The following MAPKAPK5 variants were observed in gnomAD, a reference collection of about 807,000 sequenced individuals.
The protein encoded by MAPKAPK5 is MAP kinase-activated protein kinase 5.
A neutral mutation model predicts 65.1 loss-of-function variants in MAPKAPK5; 30 were observed. The observed-to-expected ratio is 0.46, with a 90% CI of 0.34 to 0.63. The LOEUF is 0.63. Ranked by LOEUF, MAPKAPK5 falls within the 20% of genes least tolerant of loss-of-function variation. The pLI is 0.01. For missense variants in MAPKAPK5, 433 were observed against 581.4 expected, an observed-to-expected ratio of 0.74 and a Z score of 2.63; for synonymous variants, 179 against 204.6, an observed-to-expected ratio of 0.87 and a Z score of 1.07.
Position 111,883,237 on chromosome 12 carries a change from G to A in MAPKAPK5, c.661-344G>A, listed in dbSNP as rs2070296689. Among the ~76,000 whole-genome samples the A allele has an allele frequency of 3.3e-5, 5 of 152,052 alleles. No individual in the cohort carries two copies. Among genetic ancestry groups the A allele is most frequent in the South Asian group, 4.1e-4 (2 of 4,820 alleles). On this transcript the variant is annotated intron_variant, in intron 8 of 13. Coordinates refer to ENST00000550735, the MANE Select transcript of MAPKAPK5 (RefSeq NM_003668.4). This position sits in a 1 kb window ranked among gnomAD's most constrained non-coding sequence, Gnocchi z 4.8. Reference sequence around the variant, plus strand: ...AAAAAAATACAAAAATTAGCCAGGCGGCATGGTGGCACATGCCTGTAATCC... The same window carrying A: ...AAAAAAATACAAAAATTAGCCAGGCAGCATGGTGGCACATGCCTGTAATCC...
chr12:111,849,171 C>T (rs946993926), intron 1 of MAPKAPK5, among the ~76,000 whole-genome samples: 1 of 151,390 alleles, frequency 6.6e-6, no homozygotes, highest in Non-Finnish European at 1.5e-5. Context: ...GTCTTGAACT[C>T]CTGGGCTCAA....
chr12:111,872,061 G>A (rs1014011721), intron 7 of MAPKAPK5, among the ~76,000 whole-genome samples: 2 of 151,992 alleles, frequency 1.3e-5, no homozygotes, highest in Non-Finnish European at 2.9e-5. Flanking sequence ...TACCTAAGCT[G>A]CATTTGTTTT....
intron 1 of MAPKAPK5, among the ~76,000 whole-genome samples, chr12:111,850,285 C>G (rs7135919): frequency 6.6e-6 from 1 of 152,060 alleles, no homozygotes; most frequent in Admixed American, 6.5e-5. Flanking sequence ...CATCGGCCTC[C>G]CAAAGTGCTG....
chr12:111,901,646 A>AAGGAGGAAGAAAAAGAAGAGG lies in MAPKAPK5; in HGVS notation c.*8593_*8613dup. On this transcript the variant is annotated 3_prime_UTR_variant, in exon 14 of 14. Transcript: ENST00000550735. ...AGTGGCCACAGAAGAAAAAGAAGAG[A>AAGGAGGAAGAAAAAGAAGAGG]AGGAGGAAGAAAAAGAAGAGGAGGA... 1 of 271,352 alleles carries AAGGAGGAAGAAAAAGAAGAGG rather than the reference A, an allele frequency of 3.7e-6. No homozygotes were observed. The highest frequency in any genetic ancestry group is 7.3e-6 in the Non-Finnish European group (1 of 137,810). 16.8% of individuals were successfully genotyped at this position (271,352 alleles called of 1,614,324 possible).
intron 6 of MAPKAPK5, 51 bp downstream of exon 6, chr12:111,870,411 C>A: frequency 1.4e-6 from 2 of 1,459,770 alleles, no homozygotes; most frequent in African/African-American, 1.4e-5. Flanking sequence ...TAACATAGTT[C>A]AGGAGTGGGT....
intron 5 of MAPKAPK5, among the ~76,000 whole-genome samples, chr12:111,869,410 T>C (rs1434668533): frequency 6.6e-6 from 1 of 152,182 alleles, no homozygotes; most frequent in Non-Finnish European, 1.5e-5. Context: ...TCACAAACAA[T>C]ACTAGGAATC....
At chr12:111,860,425 T>C (rs1163582167) in intron 1 of MAPKAPK5, among the ~76,000 whole-genome samples, 1 of 152,218 alleles carries the variant, frequency 6.6e-6, no homozygotes, top group Non-Finnish European at 1.5e-5. Flanking sequence ...TTCAGGATTT[T>C]CCCATTAAAT....
rs1477428718 is a variant in MAPKAPK5, at chr12:111,896,675, G to GATT, written c.*3615_*3617dup. The stretch of plus-strand genomic sequence containing the variant: ...GTTATGCTCTCCTGTTTGCCTACAT[G>GATT]ATTTATTAACCTTCTGCTTACTAAA... On this transcript the variant is annotated 3_prime_UTR_variant, in exon 14 of 14. Coordinates refer to ENST00000550735, the MANE Select transcript of MAPKAPK5 (RefSeq NM_003668.4). 2 of 152,158 alleles carry GATT rather than the reference G, an allele frequency of 1.3e-5. No individual in the cohort carries two copies. The highest frequency in any genetic ancestry group is 4.8e-5 in the African/African-American group (2 of 41,432). 9.4% of individuals were successfully genotyped at this position (152,158 alleles called of 1,614,324 possible). A position where few individuals can be genotyped will look rare whatever the true frequency, so the allele number is the denominator to read the frequency against.
Position 111,885,952 on chromosome 12 carries a change from C to T in MAPKAPK5, c.885C>T (p.Ile295=), listed in dbSNP as rs576943584. ...TCAAACCGGAGGAGAGACTCACCATCGAGGGAGTGCTGGACCACCCCTGGC... is the reference window on the plus strand; with the variant it reads ...TCAAACCGGAGGAGAGACTCACCATTGAGGGAGTGCTGGACCACCCCTGGC... ...LKVKPEERLT[I]EGVLDHPWLN... The change falls in exon 10 of 14, where the codon ATC becomes ATT. Residue 295 remains isoleucine (I), a synonymous_variant. Transcript: ENST00000550735. 50 of 1,614,000 alleles carry T rather than the reference C, an allele frequency of 3.1e-5. No individual in the cohort carries two copies. The South Asian group carries it at 3.5e-4, about 11-fold the overall frequency.
intron 1 of MAPKAPK5, among the ~76,000 whole-genome samples, chr12:111,848,833 G>A (rs1300085714): frequency 2.6e-5 from 4 of 151,810 alleles, no homozygotes; most frequent in East Asian, 3.9e-4. Context: ...GGGTTCAAGC[G>A]ATTCTCCTGC....
In MAPKAPK5 at chr12:111,876,889, AAT is replaced by A. The variant is rs560576258; in HGVS notation, c.580-3556_580-3555del. Among the ~76,000 whole-genome samples, 36 of 145,804 alleles carry A rather than the reference AAT, an allele frequency of 2.5e-4. No homozygotes were observed. The South Asian group carries it at 2.8e-3, about 11-fold the overall frequency. ...CACTGTTTTCCATAGTGGTCATACT[AAT>A]ACACATTCTTACAGTGTACAAAGGC... On this transcript the variant is annotated intron_variant, in intron 7 of 13. Coordinates refer to ENST00000550735, the MANE Select transcript of MAPKAPK5 (RefSeq NM_003668.4).
Position 111,894,762 on chromosome 12 carries a change from GTA to G in MAPKAPK5, c.*1705_*1706del, listed in dbSNP as rs142671850. ...GTTTCCATAACAAACCAATTTTCGT[GTA>G]TATGTGTGTGTGTGTGTGTGTGTGT... On this transcript the variant is annotated 3_prime_UTR_variant, in exon 14 of 14. Coordinates refer to ENST00000550735, the MANE Select transcript of MAPKAPK5 (RefSeq NM_003668.4). The G allele has an allele frequency of 0.078, 10,600 of 136,408 alleles. 411 individuals are homozygous for G. The highest frequency in any genetic ancestry group is 0.18 in the Middle Eastern group (51 of 282). 8.4% of individuals were successfully genotyped at this position (136,408 alleles called of 1,614,324 possible).
rs2070931297 is a variant in MAPKAPK5, at chr12:111,899,137, G to A, written c.*6076G>A. 1 of 152,250 alleles carries A rather than the reference G, an allele frequency of 6.6e-6. No homozygotes were observed. Among genetic ancestry groups the A allele is most frequent in the Non-Finnish European group, 1.5e-5 (1 of 68,070 alleles). The allele number at this position is 152,250 out of a possible 1,614,324, so 9.4% of individuals were successfully genotyped here. ...TTCTGTAAGAATCAGAGTTGGGCAA[G>A]AACTGCCAATAAGGGAGCCAGCGTA... On this transcript the variant is annotated 3_prime_UTR_variant, in exon 14 of 14. Coordinates refer to ENST00000550735, the MANE Select transcript of MAPKAPK5 (RefSeq NM_003668.4).
Position 111,899,571 on chromosome 12 carries a change from A to G in MAPKAPK5, c.*6510A>G, listed in dbSNP as rs1050628838. The G allele has an allele frequency of 4.2e-6, 1 of 237,142 alleles. No homozygotes were observed. The highest frequency in any genetic ancestry group is 8.5e-6 in the Non-Finnish European group (1 of 117,366). 14.7% of individuals were successfully genotyped at this position (237,142 alleles called of 1,614,324 possible). A position where few individuals can be genotyped will look rare whatever the true frequency, so the allele number is the denominator to read the frequency against. On this transcript the variant is annotated 3_prime_UTR_variant, in exon 14 of 14. Transcript: ENST00000550735. ...GGAAGGACTGTCCTACTTGTTACTT[A>G]TGCAAGGCCAGAAGCACCTGGTTCA...
intron 9 of MAPKAPK5, 161 bp from the exon 10 acceptor site, chr12:111,885,755 A>C (rs1044057741): frequency 1.3e-6 from 1 of 763,408 alleles, no homozygotes; most frequent in African/African-American, 1.8e-5. Flanking sequence ...GTACCCCTAC[A>C]AGTGGTTGGA....
intron 1 of MAPKAPK5, among the ~76,000 whole-genome samples, chr12:111,853,950 T>C (rs570576134): frequency 1.3e-5 from 2 of 152,214 alleles, no homozygotes; most frequent in Non-Finnish European, 2.9e-5. Flanking sequence ...TATGGTAATA[T>C]TACGTTATTT....
chr12:111,866,270 T>C (rs1763476721), intron 3 of MAPKAPK5, 39 bp downstream of exon 3: 11 of 1,550,330 alleles, frequency 7.1e-6, no homozygotes, highest in Non-Finnish European at 9.7e-6. Flanking sequence ...ATAGTTGAAG[T>C]GCCTAAGAAT....
chr12:111,891,943 A>G (rs2070630325), intron 13 of MAPKAPK5, among the ~76,000 whole-genome samples: 1 of 152,202 alleles, frequency 6.6e-6, no homozygotes, highest in Non-Finnish European at 1.5e-5. Context: ...GTAGTAGAAC[A>G]TGCATCCTCT....
rs1288798450 is a variant in MAPKAPK5 at position 111,900,089 on chromosome 12, G to GGT, written c.*7030_*7031dup. ...GCTTCACTAGGGGAATAAACACAGA[G>GGT]GTGGTGCTGGCTGGAATGGAGATTT... On this transcript the variant is annotated 3_prime_UTR_variant, in exon 14 of 14. Coordinates refer to ENST00000550735, the MANE Select transcript of MAPKAPK5 (RefSeq NM_003668.4). 1 of 455,940 alleles carries GGT rather than the reference G, an allele frequency of 2.2e-6. No individual in the cohort carries two copies. Among genetic ancestry groups the GGT allele is most frequent in the African/African-American group, 2.0e-5 (1 of 50,068 alleles). The allele number at this position is 455,940 out of a possible 1,614,324, so 28.2% of individuals were successfully genotyped here. A position where few individuals can be genotyped will look rare whatever the true frequency, so the allele number is the denominator to read the frequency against.
Sources: allele counts gnomAD v4.1 joint callset (sites outside exome capture counted in the v4.1 genomes callset), GRCh38; gene constraint gnomAD v4.1.1; non-coding constraint Gnocchi (gnomAD v3.1); transcripts MANE v1.5; gene names NCBI Gene and HGNC (gene_info 2026-07-23, HGNC 2026-07-21).